FAM184B: variants seen among roughly 807,000 people sequenced by gnomAD.
FAM184B encodes family with sequence similarity 184 member B, also known as protein FAM184B.
Under a neutral mutation model 135.9 loss-of-function variants are expected in FAM184B, and 111 were observed. The observed-to-expected ratio is 0.82, with a 90% CI of 0.70 to 0.96. FAM184B has a LOEUF of 0.96. Ranked by LOEUF, FAM184B falls within the 40% of genes least tolerant of loss-of-function variation. The pLI, the probability that FAM184B is intolerant of heterozygous loss-of-function variation, is 0.00. For synonymous variants in FAM184B, 552 were observed against 524.8 expected (o/e 1.05, Z -0.71); for missense variants, 1,375 against 1,323.9 (o/e 1.04, Z -0.60).
intron 11 of FAM184B, among the ~76,000 whole-genome samples, chr4:17,651,394 C>T (rs185655072): frequency 0.018 from 2,786 of 151,732 alleles, 79 homozygotes; most frequent in African/African-American, 0.064. Context: ...AAAAATTAGC[C>T]GGGCGTGGTG....
intron 7 of FAM184B, among the ~76,000 whole-genome samples, chr4:17,686,977 A>G (rs1357110538): frequency 6.6e-6 from 1 of 152,222 alleles, no homozygotes; most frequent in Non-Finnish European, 1.5e-5. Flanking sequence ...AAAGATGAGA[A>G]CAGTGCTCTA....
chr4:17,709,315 G>A lies in FAM184B; in HGVS notation c.471C>T (p.Asp157=), dbSNP rs1553838135. The A allele has an allele frequency of 2.6e-6, 4 of 1,550,224 alleles. No homozygotes were observed. Among genetic ancestry groups the A allele is most frequent in the Non-Finnish European group, 2.6e-6 (3 of 1,146,270 alleles). ...TCAGGTGCTGGAGCCTCCTCTCGTA[G>A]TCAGCCTTGAGCTCCAGCATTTCCC... ...LSREMLELKA[D]YERRLQHLTS... Residue 157 remains aspartate, a synonymous_variant, in exon 2 of 18, where the codon GAC becomes GAT. Transcript: ENST00000265018.
chr4:17,776,482 G>A (rs1449917385), intron 1 of FAM184B, among the ~76,000 whole-genome samples: 1 of 152,120 alleles, frequency 6.6e-6, no homozygotes, highest in African/African-American at 2.4e-5. Context: ...TCCGCCTCTC[G>A]GGTTCAAGCG....
At chr4:17,749,420 A>T (rs1212340393) in intron 1 of FAM184B, among the ~76,000 whole-genome samples, 5 of 150,728 alleles carry the variant, frequency 3.3e-5, no homozygotes, top group Non-Finnish European at 7.4e-5. Flanking sequence ...CATCTCTATT[A>T]AAAAAAAGAT....
chr4:17,688,041 T>C (rs944108025), intron 7 of FAM184B, among the ~76,000 whole-genome samples: 1 of 152,122 alleles, frequency 6.6e-6, no homozygotes, highest in Non-Finnish European at 1.5e-5. Context: ...AATGAGATCA[T>C]GGCTGTGGAG....
chr4:17,642,160 G>T lies in FAM184B; in HGVS notation c.2415C>A (p.Cys805Ter). ...GCTGCGCGTTCTCCTCCCAGAGCCC[G>T]CATCCCTCGCCGGAACCCTGCCCAG... The part of the protein sequence containing the change: ...GAAGQGSGEG[C>*]GLWEENAQLQ... The change falls in exon 13 of 18, where the codon TGC becomes TGA. Residue 805 changes from cysteine to a stop codon, truncating the protein, a stop_gained. Coordinates refer to ENST00000265018, the MANE Select transcript of FAM184B (RefSeq NM_015688.2). LOFTEE classifies it high-confidence loss of function. 1.4e-5 allele frequency: 21 copies of T among 1,532,986 alleles called. No homozygotes were observed. Among genetic ancestry groups the T allele is most frequent in the Non-Finnish European group, 1.8e-5 (21 of 1,145,366 alleles). 95.0% of individuals were successfully genotyped at this position (1,532,986 alleles called of 1,614,324 possible).
chr4:17,707,689 G>C lies in FAM184B; in HGVS notation c.990C>G (p.Asp330Glu). 6.4e-7 allele frequency: 1 copy of C among 1,551,796 alleles called. No individual in the cohort carries two copies. The highest frequency in any genetic ancestry group is 8.7e-7 in the Non-Finnish European group (1 of 1,147,028). Residue 330 changes from aspartate (D) to glutamate (E), a missense_variant, in exon 3 of 18, where the codon GAC becomes GAG. Asp to Glu is a conservative substitution (Grantham distance 45, BLOSUM62 2). Coordinates refer to ENST00000265018, the MANE Select transcript of FAM184B (RefSeq NM_015688.2). ...KLGEKLAVAKDRMMLQECRGT... is the reference protein window; with the variant it reads ...KLGEKLAVAKERMMLQECRGT... ...CACGACACTCCTGCAGCATCATTCT[G>C]TCTTTGGCAACAGCCAGCTTCTCCC...
At chr4:17,649,943 T>G (rs145365616) in intron 11 of FAM184B, among the ~76,000 whole-genome samples, 2 of 150,882 alleles carry the variant, frequency 1.3e-5, no homozygotes, top group South Asian at 2.1e-4. Flanking sequence ...CACCCATTGG[T>G]TGCCCACCCA....
chr4:17,638,830 A>G (rs1371623224), intron 14 of FAM184B, among the ~76,000 whole-genome samples: 1 of 152,068 alleles, frequency 6.6e-6, no homozygotes, highest in Non-Finnish European at 1.5e-5. Flanking sequence ...GCCCCTGGCT[A>G]GTTCCCCCCA....
intron 1 of FAM184B, among the ~76,000 whole-genome samples, chr4:17,761,334 C>G (rs1334456999): frequency 6.6e-6 from 1 of 152,070 alleles, no homozygotes; most frequent in African/African-American, 2.4e-5. Flanking sequence ...AGAGAAGAAC[C>G]CTTACCAGAA....
At chr4:17,684,855 A>G (rs1419366575) in intron 7 of FAM184B, among the ~76,000 whole-genome samples, 1 of 152,184 alleles carries the variant, frequency 6.6e-6, no homozygotes, top group East Asian at 1.9e-4. Context: ...ATGGAATACT[A>G]TGCAGCCATA....
chr4:17,653,933 G>GAGAGGGA (rs1436881591), intron 10 of FAM184B, among the ~76,000 whole-genome samples: 30 of 1,336 alleles, frequency 0.022, no homozygotes, highest in Non-Finnish European at 0.031. Context: ...AGGGGGAGGG[G>GAGAGGGA]GATTTGAAGC....
At chr4:17,767,050 G>T (rs1163336430) in intron 1 of FAM184B, among the ~76,000 whole-genome samples, 1 of 152,178 alleles carries the variant, frequency 6.6e-6, no homozygotes, top group Non-Finnish European at 1.5e-5. Flanking sequence ...GCTGGCCCGG[G>T]TGTTAAGCCC....
chr4:17,720,457 A>G (rs1717494925), intron 1 of FAM184B, among the ~76,000 whole-genome samples: 1 of 152,220 alleles, frequency 6.6e-6, no homozygotes, highest in Non-Finnish European at 1.5e-5. Context: ...ATAGCACTTC[A>G]TGCTCATTAG....
chr4:17,732,069 C>T (rs1446838588), intron 1 of FAM184B, among the ~76,000 whole-genome samples: 2 of 152,196 alleles, frequency 1.3e-5, no homozygotes, highest in African/African-American at 2.4e-5. Flanking sequence ...ACTGAACAAC[C>T]TGCTCCTGAG....
intron 6 of FAM184B, 149 bp from the exon 7 acceptor site, chr4:17,688,680 CTTTTTTTTTTTTT>C (rs34337003): frequency 2.5e-4 from 29 of 117,940 alleles, no homozygotes; most frequent in African/African-American, 9.0e-4. Context: ...CTAGAAATGC[CTTTTTTTTTTTTT>C]TTTTTTTTTT....
chr4:17,681,457 G>A (rs1716431437), intron 7 of FAM184B, among the ~76,000 whole-genome samples: 1 of 152,194 alleles, frequency 6.6e-6, no homozygotes, highest in Non-Finnish European at 1.5e-5. Context: ...TGGAGTGAAG[G>A]GCAGCCTGCC....
intron 1 of FAM184B, among the ~76,000 whole-genome samples, chr4:17,744,647 G>A (rs181341045): frequency 3.0e-4 from 46 of 151,760 alleles, no homozygotes; most frequent in African/African-American, 1.0e-3. Context: ...TTGAATCCGG[G>A]AGGCAGAAGT....
intron 1 of FAM184B, among the ~76,000 whole-genome samples, chr4:17,756,280 C>T (rs1718418322): frequency 6.6e-6 from 1 of 152,170 alleles, no homozygotes; most frequent in South Asian, 2.1e-4. Flanking sequence ...TTAAAGATTA[C>T]TGCAACCACG....
Sources: allele counts gnomAD v4.1 joint callset (sites outside exome capture counted in the v4.1 genomes callset), GRCh38; gene constraint gnomAD v4.1.1; transcripts MANE v1.5; gene names NCBI Gene and HGNC (gene_info 2026-07-23, HGNC 2026-07-21).